Variants in ANKRD44 observed in about 807,000 individuals in gnomAD.
ANKRD44 encodes serine/threonine-protein phosphatase 6 regulatory ankyrin repeat subunit B.
A neutral mutation model predicts 116.0 loss-of-function variants in ANKRD44; 35 were observed. The observed-to-expected ratio is 0.30, with a 90% confidence interval of 0.23 to 0.40. ANKRD44 has a LOEUF of 0.40. Among genes scored for constraint, ANKRD44 ranks in the 10% least tolerant of loss-of-function variants. The pLI is 1.00. For missense variants in ANKRD44, 1,014 were observed against 1,242.6 expected, an observed-to-expected ratio of 0.82 and a Z score of 2.77; for synonymous variants, 435 against 461.8, an observed-to-expected ratio of 0.94 and a Z score of 0.74.
chr2:197,189,079 ATCC>A (rs1014086228), intron 1 of ANKRD44, among the ~76,000 whole-genome samples: 25 of 152,164 alleles, frequency 1.6e-4, no homozygotes, highest in African/African-American at 6.0e-4. Context: ...TTCTCTTTTT[ATCC>A]TCCTGTTGGC....
intron 9 of ANKRD44, among the ~76,000 whole-genome samples, chr2:197,105,838 G>T (rs929858565): frequency 6.6e-6 from 1 of 152,108 alleles, no homozygotes; most frequent in African/African-American, 2.4e-5. Context: ...AGCTGCCCAC[G>T]GTGGTCTGCC....
chr2:197,254,324 C>A (rs984252445), intron 1 of ANKRD44, among the ~76,000 whole-genome samples: 1 of 152,030 alleles, frequency 6.6e-6, no homozygotes, highest in African/African-American at 2.4e-5. Flanking sequence ...GCGGAGGCTG[C>A]AGTGAGCTGA....
Position 197,086,684 on chromosome 2 carries a change from C to T in ANKRD44, c.1312G>A (p.Gly438Arg). The part of the protein sequence containing the change: ...GADFHKKDKC[G>R]RTPLHYAAAN... The stretch of plus-strand genomic sequence containing the variant: ...CACAACTCTCTGATTACATACCTCC[C>T]ACACTTGTCCTTTTTATGGAAATCT... Residue 438 changes from glycine (G) to arginine (R), a missense_variant, in exon 13 of 28, where the codon GGG becomes AGG. Physicochemically the swap from Gly to Arg is moderately radical, Grantham distance 125. Coordinates refer to ENST00000282272, the MANE Select transcript of ANKRD44 (RefSeq NM_001195144.2). 4 of 1,613,742 alleles carry T rather than the reference C, an allele frequency of 2.5e-6. No homozygotes were observed. The highest frequency in any genetic ancestry group is 3.4e-6 in the Non-Finnish European group (4 of 1,179,730).
At chr2:197,085,903 T>A (rs1313935997) in intron 13 of ANKRD44, among the ~76,000 whole-genome samples, 1 of 152,060 alleles carries the variant, frequency 6.6e-6, no homozygotes, top group African/African-American at 2.4e-5. Flanking sequence ...CCCTTTCCCA[T>A]AACAGGGAGA....
At chr2:196,992,444 G>C (rs997618722) in intron 27 of ANKRD44, among the ~76,000 whole-genome samples, 2 of 152,150 alleles carry the variant, frequency 1.3e-5, no homozygotes, top group African/African-American at 4.8e-5. Context: ...CACCAACCCA[G>C]GGCTCTTGTT....
intron 8 of ANKRD44, among the ~76,000 whole-genome samples, chr2:197,117,584 G>A (rs913363412): frequency 3.3e-5 from 5 of 151,686 alleles, no homozygotes; most frequent in African/African-American, 7.3e-5. Context: ...TGGTCAGACT[G>A]GTCTTGAACT....
intron 1 of ANKRD44, among the ~76,000 whole-genome samples, chr2:197,258,725 A>G (rs1417142508): frequency 6.6e-6 from 1 of 152,168 alleles, no homozygotes; most frequent in African/African-American, 2.4e-5. Flanking sequence ...AAGGTCTTCA[A>G]TTTCCCCACA....
chr2:197,116,836 T>C (rs1241883800), intron 8 of ANKRD44, among the ~76,000 whole-genome samples: 4 of 152,226 alleles, frequency 2.6e-5, no homozygotes, highest in African/African-American at 9.6e-5. Flanking sequence ...CTTCTCAGAC[T>C]GGCTATACCA....
chr2:197,101,255 T>C (rs1300253066), intron 9 of ANKRD44, among the ~76,000 whole-genome samples: 1 of 152,090 alleles, frequency 6.6e-6, no homozygotes, highest in Non-Finnish European at 1.5e-5. Flanking sequence ...GTTTCTCATG[T>C]CGTTGATATT....
At chr2:197,207,886 T>G (rs1333063469) in intron 1 of ANKRD44, among the ~76,000 whole-genome samples, 1 of 152,184 alleles carries the variant, frequency 6.6e-6, no homozygotes, top group Non-Finnish European at 1.5e-5. Flanking sequence ...ACAACCAGCT[T>G]TTTAAAAATG....
chr2:197,197,167 A>G (rs966497209), intron 1 of ANKRD44, among the ~76,000 whole-genome samples: 1 of 152,174 alleles, frequency 6.6e-6, no homozygotes, highest in South Asian at 2.1e-4. Context: ...GTAGTCTTTC[A>G]GGAAGCATCT....
intron 2 of ANKRD44, among the ~76,000 whole-genome samples, chr2:197,160,116 CT>C (rs1464439673): frequency 6.6e-6 from 1 of 152,100 alleles, no homozygotes; most frequent in Non-Finnish European, 1.5e-5. Context: ...AAAACAAACT[CT>C]GGAGTCAGAA....
chr2:197,017,107 A>C (rs1352813163), intron 17 of ANKRD44, among the ~76,000 whole-genome samples: 1 of 152,228 alleles, frequency 6.6e-6, no homozygotes, highest in Non-Finnish European at 1.5e-5. Context: ...ACACTGAAAA[A>C]AGCAATCATA....
intron 2 of ANKRD44, among the ~76,000 whole-genome samples, chr2:197,183,894 T>C (rs2080580479): frequency 6.6e-6 from 1 of 152,168 alleles, no homozygotes; most frequent in South Asian, 2.1e-4. Flanking sequence ...TTCCTATATA[T>C]CTCTCAAGCC....
intron 16 of ANKRD44, among the ~76,000 whole-genome samples, chr2:197,025,628 A>C (rs1232240630): frequency 1.3e-5 from 2 of 152,352 alleles, no homozygotes; most frequent in African/African-American, 2.4e-5. Flanking sequence ...TTTTGGAAAA[A>C]CGAAGCATAG....
intron 2 of ANKRD44, among the ~76,000 whole-genome samples, chr2:197,184,510 G>A (rs147059829): frequency 0.01 from 1,523 of 152,000 alleles, 10 homozygotes; most frequent in Non-Finnish European, 0.016. Context: ...GCATGATGGC[G>A]GGTGCCTGTA....
At chr2:197,281,248 GC>G (rs1559215626) in intron 1 of ANKRD44, among the ~76,000 whole-genome samples, 3 of 152,090 alleles carry the variant, frequency 2.0e-5, no homozygotes, top group African/African-American at 7.2e-5. Flanking sequence ...TTGATAGGAG[GC>G]CTGATGCTTT....
intron 10 of ANKRD44, among the ~76,000 whole-genome samples, chr2:197,098,587 C>A (rs570615702): frequency 5.3e-5 from 8 of 152,284 alleles, no homozygotes; most frequent in African/African-American, 1.9e-4. Context: ...AGTTCTACTA[C>A]CTATTATTAA....
At chr2:197,151,095 A>G (rs1488657080) in intron 2 of ANKRD44, among the ~76,000 whole-genome samples, 1 of 142,770 alleles carries the variant, frequency 7.0e-6, no homozygotes, top group African/African-American at 2.6e-5. Flanking sequence ...TTTTTTTTTA[A>G]TCCAGGAACT....
Sources: allele counts gnomAD v4.1 joint callset (sites outside exome capture counted in the v4.1 genomes callset), GRCh38; gene constraint gnomAD v4.1.1; transcripts MANE v1.5; gene names NCBI Gene and HGNC (gene_info 2026-07-23, HGNC 2026-07-21).